Variants in FADS6 observed in about 807,000 individuals in gnomAD.
FADS6 encodes fatty acid desaturase 6.
Under a neutral mutation model 31.7 loss-of-function variants are expected in FADS6, and 28 were observed. The observed-to-expected ratio is 0.88, with a 90% confidence interval of 0.66 to 1.21. FADS6 has a LOEUF of 1.21. Among genes scored for constraint, FADS6 ranks in the 50% most tolerant of loss-of-function variants. FADS6 has a pLI of 0.00. For missense variants in FADS6, 494 were observed against 504.2 expected (o/e 0.98, Z 0.19); for synonymous variants, 191 against 213.1 (o/e 0.90, Z 0.90).
intron 2 of FADS6, among the ~76,000 whole-genome samples, chr17:74,887,447 G>A (rs182632674): frequency 1.3e-5 from 2 of 152,144 alleles, no homozygotes; most frequent in Admixed American, 6.6e-5. Flanking sequence ...CCCACCCTGA[G>A]CTCTCAGAGC....
At position 74,877,728 on chromosome 17, in the gene FADS6, C is replaced by G. The variant is rs1235974961; in HGVS notation, c.*603G>C. 2.0e-6 allele frequency: 2 copies of G among 985,556 alleles called. No individual in the cohort carries two copies. Among genetic ancestry groups the G allele is most frequent in the Admixed American group, 6.1e-5 (1 of 16,278 alleles). 61.1% of individuals were successfully genotyped at this position (985,556 alleles called of 1,614,324 possible). On this transcript the variant is annotated 3_prime_UTR_variant, in exon 6 of 6. Transcript: ENST00000612771. Reference sequence around the variant, plus strand: ...CCCGACAAAACACACTCACTTTTATCTTGCTGATACTGTGGCCTGGGGAAC... The same window carrying G: ...CCCGACAAAACACACTCACTTTTATGTTGCTGATACTGTGGCCTGGGGAAC...
At chr17:74,875,643 T>C (rs953278225), downstream of FADS6, among the ~76,000 whole-genome samples, 1 of 152,252 alleles carries the variant, frequency 6.6e-6, no homozygotes, top group Admixed American at 6.5e-5. Context: ...GAGCCAGGAC[T>C]GTGCAACTGG....
intron 5 of FADS6, among the ~76,000 whole-genome samples, chr17:74,878,834 T>C (rs927596266): frequency 6.6e-6 from 1 of 152,180 alleles, no homozygotes; most frequent in Non-Finnish European, 1.5e-5. Context: ...TCTACTCCCA[T>C]TTTACAGAAG....
intron 2 of FADS6, among the ~76,000 whole-genome samples, chr17:74,892,170 T>C (rs1283286840): frequency 6.6e-6 from 1 of 152,204 alleles, no homozygotes; most frequent in Non-Finnish European, 1.5e-5. Flanking sequence ...GTAAGGACGC[T>C]GCCCCTTGTG....
chr17:74,878,526 G>A, intron 5 of FADS6, 49 bp from the exon 6 acceptor site: 1 of 1,600,136 alleles, frequency 6.2e-7, no homozygotes, highest in Non-Finnish European at 8.5e-7. Context: ...GCTGTGGGCA[G>A]GCCCATCATC....
chr17:74,889,570 CAA>C (rs554672201), intron 2 of FADS6, among the ~76,000 whole-genome samples: 7 of 132,730 alleles, frequency 5.3e-5, no homozygotes, highest in Admixed American at 7.6e-5. Context: ...ACAAACAAAC[CAA>C]AAAAAAAAAA....
Position 74,878,440 on chromosome 17 carries a change from T to C in FADS6, c.998A>G (p.Gln333Arg), listed in dbSNP as rs556144155. ...GTATGAGTCCTCGTTGTACGGTAGCTGCTTCTCACGTAGGAACTGGGACAC... is the reference window on the plus strand; with the variant it reads ...GTATGAGTCCTCGTTGTACGGTAGCCGCTTCTCACGTAGGAACTGGGACAC... ...PVVSQFLREK[Q>R]LPYNEDSYLA... Residue 333 changes from glutamine (Q) to arginine (R), a missense_variant, in exon 6 of 6, where the codon CAG (glutamine) becomes CGG (arginine). Physicochemically the swap from Gln to Arg is conservative, Grantham distance 43. This residue lies in a region of FADS6 where 454 missense variants were observed against 438.5 expected (regional missense o/e 1.04). Transcript: ENST00000612771. The C allele has an allele frequency of 1.2e-5, 19 of 1,614,030 alleles. No individual in the cohort carries two copies. The East Asian group carries it at 4.0e-4, about 34-fold the overall frequency.
In FADS6 at chr17:74,881,210, G is replaced by T; in HGVS notation, c.638C>A (p.Ala213Asp). 2 of 1,609,244 alleles carry T rather than the reference G, an allele frequency of 1.2e-6. No homozygotes were observed. Among genetic ancestry groups the T allele is most frequent in the Non-Finnish European group, 1.7e-6 (2 of 1,177,864 alleles). ...AGAATAAAGGCCCAGAGAAATCAGG[G>T]CCAGCGTCCGCAGGGCTGTCCCGAG... The part of the protein sequence containing the change: ...VELGTALRTL[A>D]LISLGLYSHY... The change falls in exon 4 of 6, where the codon GCC becomes GAC. Residue 213 changes from alanine to aspartate, a missense_variant. Around this residue, in one of 2 missense-constraint regions of FADS6, gnomAD observed 454 missense variants for 438.5 expected, o/e 1.04. Coordinates refer to ENST00000612771, the MANE Select transcript of FADS6 (RefSeq NM_178128.6).
At chr17:74,886,600 G>A (rs16978206) in intron 2 of FADS6, among the ~76,000 whole-genome samples, 5,752 of 152,104 alleles carry the variant, frequency 0.038, 393 homozygotes, top group African/African-American at 0.13. Flanking sequence ...GACCTCTCCC[G>A]ATGCTTTTTG....
chr17:74,886,238 C>CAAAAAA (rs550950451), intron 2 of FADS6, among the ~76,000 whole-genome samples: 9 of 42,144 alleles, frequency 2.1e-4, no homozygotes, highest in African/African-American at 6.0e-4. Flanking sequence ...GATTCCATCT[C>CAAAAAA]AAAAAAAAAA....
At chr17:74,875,108 G>A (rs1156250178), downstream of FADS6, among the ~76,000 whole-genome samples, 7 of 152,186 alleles carry the variant, frequency 4.6e-5, no homozygotes, top group South Asian at 8.3e-4. Context: ...TCTGGTGGTG[G>A]AGGATGGATT....
chr17:74,880,303 T>C (rs952680206), intron 4 of FADS6, among the ~76,000 whole-genome samples: 1 of 152,064 alleles, frequency 6.6e-6, no homozygotes, highest in Non-Finnish European at 1.5e-5. Flanking sequence ...CATCCGCGCA[T>C]GGAGGAAGGC....
chr17:74,878,889 C>G (rs2038535513), intron 5 of FADS6, among the ~76,000 whole-genome samples: 1 of 152,108 alleles, frequency 6.6e-6, no homozygotes, highest in Admixed American at 6.5e-5. Context: ...GTCCAGTCGC[C>G]CTGCTAGTAA....
At chr17:74,885,311 A>AAAT (rs1442864682) in intron 2 of FADS6, among the ~76,000 whole-genome samples, 2 of 140,270 alleles carry the variant, frequency 1.4e-5, no homozygotes, top group Non-Finnish European at 1.6e-5. Flanking sequence ...ACAAAAAAAA[A>AAAT]AAATAAATAA....
chr17:74,881,370 C>T, intron 3 of FADS6, 115 bp from the exon 4 acceptor site: 2 of 1,002,640 alleles, frequency 2.0e-6, no homozygotes, highest in African/African-American at 1.6e-5. Context: ...ATACCCACAA[C>T]AGCCCTGAAA....
At chr17:74,878,530 C>A in intron 5 of FADS6, 53 bp from the exon 6 acceptor site, 3 of 1,595,784 alleles carry the variant, frequency 1.9e-6, no homozygotes, top group Non-Finnish European at 2.6e-6. Flanking sequence ...TGGGCAGGCC[C>A]ATCATCCCGT....
intron 2 of FADS6, among the ~76,000 whole-genome samples, chr17:74,889,870 CAAAAAAAAAAAAA>C (rs59381032): frequency 3.7e-5 from 2 of 53,522 alleles, no homozygotes; most frequent in African/African-American, 1.4e-4. Context: ...GACTCAGTCT[CAAAAAAAAAAAAA>C]AAAAAAAAAA....
rs1194705618 is a variant in FADS6, at chr17:74,882,699, G to C, written c.423C>G (p.Ala141=). 4 of 1,609,464 alleles carry C rather than the reference G, an allele frequency of 2.5e-6. No individual in the cohort carries two copies. Among genetic ancestry groups the C allele is most frequent in the Non-Finnish European group, 3.4e-6 (4 of 1,178,570 alleles). ...CATGCGTGGCGTGCTCTGCAGTGAA[G>C]GCTGTGCACACCTAGAGGAGGGAAC... ...WLLFFVEVCT[A]FTAEHATHGH... The change falls in exon 3 of 6, where the codon GCC becomes GCG. Residue 141 remains alanine, a synonymous_variant. Transcript: ENST00000612771.
chr17:74,892,306 T>C (rs1460310053), intron 2 of FADS6, among the ~76,000 whole-genome samples: 2 of 152,076 alleles, frequency 1.3e-5, no homozygotes, highest in Non-Finnish European at 2.9e-5. Flanking sequence ...ATCCTACAAC[T>C]CTCTACCCAT....
Sources: allele counts gnomAD v4.1 joint callset (sites outside exome capture counted in the v4.1 genomes callset), GRCh38; gene constraint gnomAD v4.1.1; regional missense constraint gnomAD v4.1.1; transcripts MANE v1.5; gene names NCBI Gene and HGNC (gene_info 2026-07-23, HGNC 2026-07-21).